Variants in CCNH observed in about 807,000 individuals in gnomAD.
CCNH encodes cyclin-H.
A neutral mutation model predicts 41.9 loss-of-function variants in CCNH; 31 were observed. The observed-to-expected ratio is 0.74, with a 90% confidence interval of 0.56 to 1.00. The LOEUF (loss-of-function observed/expected upper bound fraction) is 1.00, where lower values mean the gene tolerates loss of function less well. Ranked by LOEUF, CCNH falls within the 50% of genes least tolerant of loss-of-function variation. CCNH has a pLI of 0.00. For synonymous variants in CCNH, 138 were observed against 136.1 expected (o/e 1.01, Z -0.10); for missense variants, 362 against 388.4 (o/e 0.93, Z 0.57).
intron 9 of CCNH, chr5:87,341,192 G>A: frequency 3.3e-6 from 2 of 598,224 alleles, no homozygotes; most frequent in South Asian, 7.7e-5. Context: ...AATAAGGATA[G>A]TGTGGGGATA....
chr5:87,385,899 A>G (rs964583102), intron 9 of CCNH, among the ~76,000 whole-genome samples: 2 of 152,004 alleles, frequency 1.3e-5, no homozygotes, highest in African/African-American at 4.8e-5. Flanking sequence ...GGATATTTAG[A>G]TGGCTTCCAT....
At chr5:87,384,880 T>C (rs546681880) in intron 9 of CCNH, among the ~76,000 whole-genome samples, 1 of 152,108 alleles carries the variant, frequency 6.6e-6, no homozygotes, top group Non-Finnish European at 1.5e-5. Context: ...TTATTTGGAC[T>C]GCAAATAATG....
downstream of CCNH, chr5:87,392,448 C>A: frequency 4.7e-6 from 2 of 429,866 alleles, no homozygotes; most frequent in Admixed American, 5.3e-5. Flanking sequence ...ATTCCATTCT[C>A]TCCCTTCTTG....
At chr5:87,378,604 G>T, upstream of CCNH, 1 of 1,454,158 alleles carries the variant, frequency 6.9e-7, no homozygotes, top group Non-Finnish European at 9.5e-7. Context: ...ATAATTTGTA[G>T]CCAATTACAT....
rs148980898 is a variant in CCNH at position 87,402,825 on chromosome 5, T to C, written c.690-1053A>G. 3.2e-3 allele frequency among the ~76,000 whole-genome samples: 486 copies of C among 152,308 alleles called. 4 individuals carry two copies. The highest frequency in any genetic ancestry group is 0.011 in the African/African-American group (467 of 41,566). ...TTTTGTCATCTTCCTTTATTTTTAC[T>C]CTTCATTTCCTTTTGATTTCTTAAG... On this transcript the variant is annotated intron_variant, in intron 5 of 8. Coordinates refer to ENST00000256897, the MANE Select transcript of CCNH (RefSeq NM_001239.4).
At chr5:87,385,812 C>T (rs1023977329) in intron 9 of CCNH, among the ~76,000 whole-genome samples, 1 of 152,038 alleles carries the variant, frequency 6.6e-6, no homozygotes, top group Admixed American at 6.6e-5. Flanking sequence ...ATCATGCCTC[C>T]TGCTTTTGTC....
intron 9 of CCNH, among the ~76,000 whole-genome samples, chr5:87,333,516 T>C (rs930472742): frequency 1.2e-4 from 19 of 152,180 alleles, no homozygotes; most frequent in African/African-American, 4.6e-4. Context: ...GTTCAGACTG[T>C]GGTTTTGGAT....
intron 3 of CCNH, among the ~76,000 whole-genome samples, chr5:87,408,553 A>G (rs919499066): frequency 1.3e-5 from 2 of 152,212 alleles, no homozygotes; most frequent in African/African-American, 4.8e-5. Flanking sequence ...CAGTACCCAC[A>G]TATGTACCAT....
intron 9 of CCNH, among the ~76,000 whole-genome samples, chr5:87,325,241 G>A (rs1008669186): frequency 6.6e-6 from 1 of 152,120 alleles, no homozygotes; most frequent in Non-Finnish European, 1.5e-5. Context: ...CAGCATGGGG[G>A]TAACTGCCCC....
intron 6 of CCNH, among the ~76,000 whole-genome samples, chr5:87,400,926 G>A (rs974030110): frequency 3.3e-5 from 5 of 152,118 alleles, no homozygotes; most frequent in East Asian, 1.9e-4. Flanking sequence ...TCTCAACACC[G>A]GCACTAATGA....
chr5:87,379,709 T>A (rs1370631636), upstream of CCNH: 1 of 1,608,648 alleles, frequency 6.2e-7, no homozygotes, highest in East Asian at 2.2e-5. Flanking sequence ...CAACATGCAT[T>A]TATATTGATT....
At chr5:87,398,074 A>G (rs907933618) in intron 7 of CCNH, among the ~76,000 whole-genome samples, 1 of 152,252 alleles carries the variant, frequency 6.6e-6, no homozygotes, top group Non-Finnish European at 1.5e-5. Flanking sequence ...TTTATTCATT[A>G]AAGTCAACAT....
At chr5:87,367,096 C>T (rs917556008) in intron 9 of CCNH, among the ~76,000 whole-genome samples, 1 of 151,988 alleles carries the variant, frequency 6.6e-6, no homozygotes. Context: ...TTATTATTAA[C>T]TATTTTTTTT....
downstream of CCNH, among the ~76,000 whole-genome samples, chr5:87,316,537 A>G (rs768756343): frequency 7.9e-5 from 12 of 152,098 alleles, no homozygotes; most frequent in Non-Finnish European, 1.3e-4. Flanking sequence ...TTCATGTGTC[A>G]GGATTGCCAC....
chr5:87,409,634 G>A (rs1466829645), intron 2 of CCNH, among the ~76,000 whole-genome samples: 1 of 141,132 alleles, frequency 7.1e-6, no homozygotes, highest in Non-Finnish European at 1.5e-5. Context: ...AAATACGTGT[G>A]TGTGTGTGTG....
At chr5:87,386,959 T>C, downstream of CCNH, 1 of 1,415,298 alleles carries the variant, frequency 7.1e-7, no homozygotes, top group Non-Finnish European at 1.0e-6. Flanking sequence ...TATAGCTGAG[T>C]TAACCCATTT....
chr5:87,377,066 T>TA (rs777329893), exon 1 of CCNH: 1 of 1,601,016 alleles, frequency 6.2e-7, no homozygotes. Flanking sequence ...GTTAGTGTGA[T>TA]ACAAGAAACT....
intron 9 of CCNH, among the ~76,000 whole-genome samples, chr5:87,322,371 T>G (rs1756889218): frequency 6.6e-6 from 1 of 152,104 alleles, no homozygotes; most frequent in Non-Finnish European, 1.5e-5. Context: ...GGGATATAGG[T>G]TGTGTGCTCC....
At chr5:87,410,503 C>T (rs1396849820) in intron 2 of CCNH, among the ~76,000 whole-genome samples, 1 of 151,992 alleles carries the variant, frequency 6.6e-6, no homozygotes, top group Non-Finnish European at 1.5e-5. Flanking sequence ...AAATTATTCT[C>T]TACTGGGTCG....
Sources: gnomAD v4.1 joint callset for allele counts (sites outside exome capture counted in the v4.1 genomes callset) on GRCh38, gnomAD v4.1.1 for gene constraint, MANE v1.5 for transcripts, NCBI Gene and HGNC (gene_info 2026-07-23, HGNC 2026-07-21) for gene names.